RYR2: variants seen among roughly 807,000 people sequenced by gnomAD.
RYR2 encodes cardiac muscle ryanodine receptor-calcium release channel.
In RYR2, 227 loss-of-function variants were observed where a neutral mutation model predicts 601.1. The observed-to-expected ratio is 0.38, with a 90% CI of 0.34 to 0.42. The LOEUF (loss-of-function observed/expected upper bound fraction) is 0.42, where lower values mean the gene tolerates loss of function less well. Ranked by LOEUF, RYR2 falls within the 10% of genes least tolerant of loss-of-function variation. The pLI is 1.00. For synonymous variants in RYR2, 2,223 were observed against 2,175.1 expected (o/e 1.02, Z -0.61); for missense variants, 4,646 against 6,156.5 (o/e 0.75, Z 8.21).
chr1:237,783,791 A>ACGT lies in RYR2; in HGVS notation c.12084_12086dup (p.Ser4029dup). On this transcript the variant is annotated inframe_insertion, in exon 90 of 105. Transcript: ENST00000366574. ...CATGTTCTTAAAACTAAAGGATTTG[A>ACGT]CGTCGTCTGATACTTTTAAAGAATA... 1 of 1,613,496 alleles carries ACGT rather than the reference A, an allele frequency of 6.2e-7. No individual in the cohort carries two copies.
At chr1:237,047,388 C>CCTT (rs1553270159) in intron 1 of RYR2, among the ~76,000 whole-genome samples, 2 of 66,004 alleles carry the variant, frequency 3.0e-5, no homozygotes, top group African/African-American at 4.2e-5. Flanking sequence ...TCCTTTCTAG[C>CCTT]CTTTTTTTTT....
In RYR2 at chr1:237,749,386, A is replaced by G. The variant is rs550025817; in HGVS notation, c.11146-6902A>G. On this transcript the variant is annotated intron_variant, in intron 80 of 104. Coordinates refer to ENST00000366574, the MANE Select transcript of RYR2 (RefSeq NM_001035.3). ...GAGGACTAAATTAGTCAATATATAT[A>G]AGGCACTCAGAACATTGACTATCAC... is the stretch of plus-strand genomic sequence containing the variant. Among the ~76,000 whole-genome samples the G allele has an allele frequency of 9.9e-5, 15 of 152,252 alleles. No homozygotes were observed. In the East Asian group the frequency reaches 2.9e-3, roughly 29 times the overall value.
intron 1 of RYR2, among the ~76,000 whole-genome samples, chr1:237,107,392 G>A (rs547013961): frequency 4.6e-5 from 7 of 151,124 alleles, no homozygotes; most frequent in Admixed American, 2.0e-4. Flanking sequence ...GTGGTGGCGG[G>A]CGCCTGTAGT....
chr1:237,741,451 T>C (rs1243132495), intron 79 of RYR2, among the ~76,000 whole-genome samples: 7 of 152,084 alleles, frequency 4.6e-5, no homozygotes, highest in Non-Finnish European at 1.5e-5. Flanking sequence ...CGTGTAAGGG[T>C]TGGAACAATC....
At position 237,204,071 on chromosome 1, in the gene RYR2, C is replaced by T. The variant is rs900033692; in HGVS notation, c.49-66426C>T. On this transcript the variant is annotated intron_variant, in intron 1 of 104. Coordinates refer to ENST00000366574, the MANE Select transcript of RYR2 (RefSeq NM_001035.3). ...TGTTGCCCAGGCTGGAGTACAGTGG[C>T]GCAATCATGACGCACTGCAACCTTC... 3.3e-5 allele frequency among the ~76,000 whole-genome samples: 5 copies of T among 152,134 alleles called. No homozygotes were observed. The East Asian group carries it at 5.8e-4, about 18-fold the overall frequency.
At chr1:237,151,528 T>C (rs909671099) in intron 1 of RYR2, among the ~76,000 whole-genome samples, 60 of 152,334 alleles carry the variant, frequency 3.9e-4, no homozygotes, top group African/African-American at 1.4e-3. Context: ...ATTATAGAAC[T>C]CAGTCAGAAA....
At chr1:237,355,202 G>A (rs773330868) in intron 3 of RYR2, among the ~76,000 whole-genome samples, 4 of 152,136 alleles carry the variant, frequency 2.6e-5, no homozygotes, top group Non-Finnish European at 5.9e-5. Context: ...TTCTATAGAT[G>A]GGAGGTGAGT....
At position 237,070,127 on chromosome 1, in the gene RYR2, C is replaced by T. The variant is rs528578686; in HGVS notation, c.48+27558C>T. 6.0e-5 allele frequency among the ~76,000 whole-genome samples: 9 copies of T among 151,180 alleles called. No homozygotes were observed. In the East Asian group the frequency reaches 1.8e-3, roughly 30 times the overall value. On this transcript the variant is annotated intron_variant, in intron 1 of 104. Coordinates refer to ENST00000366574, the MANE Select transcript of RYR2 (RefSeq NM_001035.3). ...CTCACTGCAGCCTTGACCTCCCAGG[C>T]TCAAGTGATCCTCCCACCTAGGCCT... is the stretch of plus-strand genomic sequence containing the variant.
At chr1:237,222,191 G>T (rs549983375) in intron 1 of RYR2, among the ~76,000 whole-genome samples, 22 of 152,092 alleles carry the variant, frequency 1.4e-4, no homozygotes, top group Non-Finnish European at 2.9e-4. Flanking sequence ...GAGGTGGGCG[G>T]ATCACGAGGT....
intron 27 of RYR2, 22 bp downstream of exon 27, chr1:237,550,713 C>A (rs759090165): frequency 6.5e-7 from 1 of 1,537,360 alleles, no homozygotes; most frequent in East Asian, 2.4e-5. Context: ...TTACTTTCCT[C>A]TTCTTCGGTT....
At chr1:237,592,840 G>C (rs547072559) in intron 32 of RYR2, among the ~76,000 whole-genome samples, 3 of 151,676 alleles carry the variant, frequency 2.0e-5, no homozygotes, top group South Asian at 2.1e-4. Flanking sequence ...GGCTAACATG[G>C]TGAAACCCCG....
intron 10 of RYR2, among the ~76,000 whole-genome samples, chr1:237,405,003 C>A (rs1244829304): frequency 6.6e-6 from 1 of 152,208 alleles, no homozygotes; most frequent in Admixed American, 6.5e-5. Flanking sequence ...CCAGCCCCAA[C>A]CAACACTTTG....
intron 2 of RYR2, among the ~76,000 whole-genome samples, chr1:237,280,628 A>G (rs1168720844): frequency 6.6e-6 from 1 of 152,246 alleles, no homozygotes; most frequent in African/African-American, 2.4e-5. Context: ...AATGTAGAAT[A>G]AGTGATTAGA....
At chr1:237,299,899 AG>A (rs984422616) in intron 2 of RYR2, among the ~76,000 whole-genome samples, 6 of 152,150 alleles carry the variant, frequency 3.9e-5, no homozygotes, top group African/African-American at 1.4e-4. Flanking sequence ...TTTAATCTGG[AG>A]TAGTGTTTAG....
intron 17 of RYR2, among the ~76,000 whole-genome samples, chr1:237,470,533 G>C (rs889010991): frequency 2.6e-5 from 4 of 152,184 alleles, no homozygotes; most frequent in African/African-American, 9.7e-5. Flanking sequence ...GCAGAAGTAA[G>C]ATAGAAATGG....
chr1:237,642,309 G>A (rs1681642114), intron 47 of RYR2, among the ~76,000 whole-genome samples: 1 of 152,156 alleles, frequency 6.6e-6, no homozygotes, highest in South Asian at 2.1e-4. Flanking sequence ...TAGAATGTTA[G>A]AAAACTGGAG....
At chr1:237,146,949 C>T (rs1029752571) in intron 1 of RYR2, among the ~76,000 whole-genome samples, 2 of 152,104 alleles carry the variant, frequency 1.3e-5, no homozygotes, top group African/African-American at 2.4e-5. Context: ...TTGTTAAAAT[C>T]TAAAATTGCC....
intron 34 of RYR2, among the ~76,000 whole-genome samples, chr1:237,598,677 G>A (rs1436849556): frequency 2.6e-5 from 4 of 152,088 alleles, no homozygotes; most frequent in African/African-American, 9.7e-5. Context: ...TAAGAGGGAA[G>A]TTTACAGTAT....
At position 237,423,079 on chromosome 1, in the gene RYR2, CT is replaced by C. The variant is rs765156667; in HGVS notation, c.849-12del. On this transcript the variant is annotated splice_polypyrimidine_tract_variant and intron_variant, in intron 11 of 104. Coordinates refer to ENST00000366574, the MANE Select transcript of RYR2 (RefSeq NM_001035.3). ...TGGGTGCTATTGGATCAAGTCCTAA[CT>C]GTTTTCATTAGGTGGAGTGGAAGCC... 1.9e-6 allele frequency: 3 copies of C among 1,609,154 alleles called. No individual in the cohort carries two copies. The highest frequency in any genetic ancestry group is 4.5e-5 in the East Asian group (2 of 44,846).
Sources: gnomAD v4.1 joint callset for allele counts (sites outside exome capture counted in the v4.1 genomes callset) on GRCh38, gnomAD v4.1.1 for gene constraint, MANE v1.5 for transcripts, NCBI Gene and HGNC (gene_info 2026-07-23, HGNC 2026-07-21) for gene names.